Variants in COL28A1 observed in about 807,000 individuals in gnomAD.
COL28A1 encodes the protein collagen alpha-1(XXVIII) chain.
In COL28A1, 161 loss-of-function variants were observed where a neutral mutation model predicts 150.2. That is an observed-to-expected ratio of 1.07 (90% CI 0.94 to 1.22). COL28A1 has a LOEUF of 1.22. Among genes scored for constraint, COL28A1 ranks in the 50% most tolerant of loss-of-function variants. COL28A1 has a pLI of 0.00. For synonymous variants in COL28A1, 552 were observed against 469.7 expected (o/e 1.18, Z -2.26); for missense variants, 1,617 against 1,388.3 (o/e 1.16, Z -2.62).
intron 1 of COL28A1, among the ~76,000 whole-genome samples, chr7:7,535,339 T>C (rs1782585384): frequency 6.6e-6 from 1 of 152,288 alleles, no homozygotes; most frequent in Admixed American, 6.5e-5. Context: ...TCACCAACTT[T>C]AGTTACAATG....
chr7:7,435,782 C>T (rs1006017323), intron 23 of COL28A1, among the ~76,000 whole-genome samples: 1 of 152,138 alleles, frequency 6.6e-6, no homozygotes, highest in Non-Finnish European at 1.5e-5. Context: ...TAACAACATG[C>T]TATTGATTTT....
At chr7:7,519,252 G>C (rs1781578440) in intron 6 of COL28A1, among the ~76,000 whole-genome samples, 1 of 152,042 alleles carries the variant, frequency 6.6e-6, no homozygotes, top group South Asian at 2.1e-4. Context: ...AAAACCATCA[G>C]ATCTCATGTG....
chr7:7,514,632 C>G (rs1583546482), intron 8 of COL28A1, among the ~76,000 whole-genome samples: 1 of 152,302 alleles, frequency 6.6e-6, no homozygotes, highest in East Asian at 1.9e-4. Flanking sequence ...TATAACTAAA[C>G]TAATAATGTT....
intron 7 of COL28A1, among the ~76,000 whole-genome samples, chr7:7,516,981 C>G (rs10227453): frequency 0.37 from 55,470 of 151,940 alleles, 11,962 homozygotes; most frequent in African/African-American, 0.61. Context: ...ACGTAGAATT[C>G]TCTCCTATGA....
Position 7,490,570 on chromosome 7 carries a change from A to G in COL28A1, c.1095+8T>C. The G allele has an allele frequency of 6.9e-6, 8 of 1,166,490 alleles. No individual in the cohort carries two copies. The highest frequency in any genetic ancestry group is 1.0e-5 in the Non-Finnish European group (8 of 772,946). 72.3% of individuals were successfully genotyped at this position (1,166,490 alleles called of 1,614,324 possible). Reference sequence around the variant, plus strand: ...GTCATCAGTGGGCAAAAAGACAAGTATCTTTACCTTAATACCTTGCTGTCC... The same window carrying G: ...GTCATCAGTGGGCAAAAAGACAAGTGTCTTTACCTTAATACCTTGCTGTCC... On this transcript the variant is annotated splice_region_variant and intron_variant, in intron 12 of 34. Transcript: ENST00000399429.
Position 7,373,273 on chromosome 7 carries a change from G to A in COL28A1, c.2633C>T (p.Ala878Val). The change falls in exon 32 of 35, where the codon GCC (alanine) becomes GTC (valine). Residue 878 changes from alanine (A) to valine (V), a missense_variant. Physicochemically the swap from Ala to Val is moderately conservative, Grantham distance 64. Coordinates refer to ENST00000399429, the MANE Select transcript of COL28A1 (RefSeq NM_001037763.3). This position sits in a 1 kb window ranked among gnomAD's most constrained non-coding sequence, Gnocchi z 4.1. The part of the protein sequence containing the change: ...MQYLGEGTYT[A>V]TALQAANDMF... ...GTCGTTGGCTGCTTGCAGAGCAGTG[G>A]CTGTGTATGTGCCTTCCCCCAGATA... is the stretch of plus-strand genomic sequence containing the variant. 6.2e-7 allele frequency: 1 copy of A among 1,614,136 alleles called. No individual in the cohort carries two copies. Among genetic ancestry groups the A allele is most frequent in the Non-Finnish European group, 8.5e-7 (1 of 1,180,028 alleles).
chr7:7,517,013 A>G (rs1030704402), intron 7 of COL28A1, among the ~76,000 whole-genome samples: 1 of 152,190 alleles, frequency 6.6e-6, no homozygotes, highest in Non-Finnish European at 1.5e-5. Context: ...TTTTAAAAAT[A>G]CAAGTACTTT....
intron 7 of COL28A1, 97 bp downstream of exon 7, chr7:7,517,699 C>A: frequency 5.8e-6 from 9 of 1,562,338 alleles, no homozygotes; most frequent in Non-Finnish European, 7.9e-6. Context: ...AGATAGAAAT[C>A]ACTTTTGCAC....
intron 27 of COL28A1, among the ~76,000 whole-genome samples, chr7:7,390,540 TGGTTTGGAATA>T (rs1309537068): frequency 6.6e-6 from 1 of 152,176 alleles, no homozygotes; most frequent in East Asian, 1.9e-4. Context: ...TCTTTTTCTA[TGGTTTGGAATA>T]GTTTCAGAAG....
intron 6 of COL28A1, 146 bp from the exon 7 acceptor site, chr7:7,517,983 T>C: frequency 1.1e-6 from 1 of 896,186 alleles, no homozygotes; most frequent in Non-Finnish European, 1.5e-6. Flanking sequence ...CTATGCAATC[T>C]AGGCAAAAAA....
At chr7:7,356,876 T>C (rs1583205770), downstream of COL28A1, 1 of 152,264 alleles carries the variant, frequency 6.6e-6, no homozygotes, top group Middle Eastern at 3.4e-3. Flanking sequence ...TTGCATTATC[T>C]TTTGTAGTAT....
At chr7:7,372,268 G>A (rs555955386) in intron 32 of COL28A1, among the ~76,000 whole-genome samples, 63 of 151,590 alleles carry the variant, frequency 4.2e-4, no homozygotes, top group African/African-American at 4.4e-4. Context: ...GCATGGTGGC[G>A]CGTGCCTGTA....
intron 15 of COL28A1, among the ~76,000 whole-genome samples, chr7:7,458,052 T>A (rs1374662500): frequency 6.6e-6 from 1 of 152,236 alleles, no homozygotes; most frequent in Non-Finnish European, 1.5e-5. Context: ...TAACATTTTA[T>A]TTGTAAAAAC....
At chr7:7,464,716 G>A (rs1215169920) in intron 15 of COL28A1, among the ~76,000 whole-genome samples, 1 of 152,188 alleles carries the variant, frequency 6.6e-6, no homozygotes, top group African/African-American at 2.4e-5. Context: ...AAGTCTGAAA[G>A]AGCACAAACA....
At chr7:7,395,245 G>T (rs1782772008) in intron 27 of COL28A1, among the ~76,000 whole-genome samples, 2 of 152,154 alleles carry the variant, frequency 1.3e-5, no homozygotes, top group South Asian at 2.1e-4. Context: ...AGTGAGCCAA[G>T]ATCACATCAC....
chr7:7,381,137 ACAC>A (rs1781849057), intron 28 of COL28A1, among the ~76,000 whole-genome samples: 1 of 152,198 alleles, frequency 6.6e-6, no homozygotes. Flanking sequence ...TACAATTATT[ACAC>A]AATTTACCGG....
intron 3 of COL28A1, among the ~76,000 whole-genome samples, chr7:7,525,009 T>A (rs1019086786): frequency 2.6e-5 from 4 of 152,202 alleles, no homozygotes; most frequent in Non-Finnish European, 5.9e-5. Context: ...GCATTACTTA[T>A]GTAAAAGAGG....
rs17520619 is a variant in COL28A1, at chr7:7,495,405, A to G, written c.1027-4759T>C. Among the ~76,000 whole-genome samples, 706 of 152,290 alleles carry G rather than the reference A, an allele frequency of 4.6e-3. 5 individuals carry two copies. The highest frequency in any genetic ancestry group is 0.022 in the East Asian group (115 of 5,178). On this transcript the variant is annotated intron_variant, in intron 11 of 34. Transcript: ENST00000399429. ...GGTCAGTACCATGAACAGTACCAACATTTAAGTCAGGTGGGAGTGGAAGAA... is the reference window on the plus strand; with the variant it reads ...GGTCAGTACCATGAACAGTACCAACGTTTAAGTCAGGTGGGAGTGGAAGAA...
intron 16 of COL28A1, among the ~76,000 whole-genome samples, chr7:7,454,060 G>C (rs1583412671): frequency 1.3e-5 from 2 of 152,210 alleles, no homozygotes; most frequent in South Asian, 2.1e-4. Context: ...ATATAAAGGA[G>C]GTTTTTATAC....
Sources: allele counts gnomAD v4.1 joint callset (sites outside exome capture counted in the v4.1 genomes callset), GRCh38; gene constraint gnomAD v4.1.1; non-coding constraint Gnocchi (gnomAD v3.1); transcripts MANE v1.5; gene names NCBI Gene and HGNC (gene_info 2026-07-23, HGNC 2026-07-21).